DRD3: variants seen among roughly 807,000 people sequenced by gnomAD.
The protein encoded by DRD3 is dopamine receptor D3.
DRD3 carries 19 observed loss-of-function variants against 36.3 expected under a neutral mutation model. That is an observed-to-expected ratio of 0.52 (90% CI 0.36 to 0.77). DRD3 has a LOEUF of 0.77. Among genes scored for constraint, DRD3 ranks in the 30% least tolerant of loss-of-function variants. The pLI is 0.00. For synonymous variants in DRD3, 195 were observed against 203.7 expected (o/e 0.96, Z 0.36); for missense variants, 465 against 505.3 (o/e 0.92, Z 0.77).
intron 5 of DRD3, among the ~76,000 whole-genome samples, chr3:114,136,209 G>C (rs984409532): frequency 6.9e-6 from 1 of 145,386 alleles, no homozygotes; most frequent in Admixed American, 6.7e-5. Context: ...GTGAGACTCT[G>C]TCTCAAAAAC....
At chr3:114,154,324 G>A (rs1172241064) in intron 3 of DRD3, among the ~76,000 whole-genome samples, 1 of 149,442 alleles carries the variant, frequency 6.7e-6, no homozygotes, top group Non-Finnish European at 1.5e-5. Flanking sequence ...CAGGGTGGGA[G>A]ATGTGTGTGT....
In DRD3 at chr3:114,127,611, C is replaced by T. The variant is rs920038681; in HGVS notation, c.*1105G>A. Among the ~76,000 whole-genome samples the T allele has an allele frequency of 6.6e-6, 1 of 152,158 alleles. No homozygotes were observed. The highest frequency in any genetic ancestry group is 2.4e-5 in the African/African-American group (1 of 41,446). On this transcript the variant is annotated 3_prime_UTR_variant, in exon 7 of 7. Coordinates refer to ENST00000383673, the MANE Select transcript of DRD3 (RefSeq NM_000796.6). The stretch of plus-strand genomic sequence containing the variant: ...AACCAGTAACATAGTCATTTATTAT[C>T]AATATTAAGTATTACGTACTGTACA...
chr3:114,182,708 T>G (rs1255619633), upstream of DRD3, among the ~76,000 whole-genome samples: 1 of 152,138 alleles, frequency 6.6e-6, no homozygotes, highest in Non-Finnish European at 1.5e-5. Flanking sequence ...GCCTACCAGG[T>G]TTAAGCGATT....
rs1229440068 is a variant in DRD3 at position 114,149,067 on chromosome 3, G to A, written c.384-1510C>T. 3.9e-5 allele frequency among the ~76,000 whole-genome samples: 6 copies of A among 152,106 alleles called. No homozygotes were observed. In the South Asian group the frequency reaches 1.0e-3, roughly 26 times the overall value. ...AATATTTATTGAGTCCCAACTATACGCCAGGCCTCATTCCAGGTATTCAGA... is the reference window on the plus strand; with the variant it reads ...AATATTTATTGAGTCCCAACTATACACCAGGCCTCATTCCAGGTATTCAGA... On this transcript the variant is annotated intron_variant, in intron 3 of 6. Transcript: ENST00000383673.
At chr3:114,173,161 C>A (rs1028318083) in intron 1 of DRD3, among the ~76,000 whole-genome samples, 5 of 152,074 alleles carry the variant, frequency 3.3e-5, no homozygotes, top group Non-Finnish European at 7.4e-5. Context: ...GAAAAGACAG[C>A]CATCTATGAA....
At chr3:114,172,142 G>C (rs1559998677) in intron 1 of DRD3, 115 bp from the exon 2 acceptor site, 1 of 819,458 alleles carries the variant, frequency 1.2e-6, no homozygotes, top group African/African-American at 1.8e-5. Flanking sequence ...TTTCTATATA[G>C]TAGGCACTGT....
At chr3:114,164,238 A>AAAAAAAAAAAAAAAAAAAAAAAAC in intron 2 of DRD3, among the ~76,000 whole-genome samples, 1 of 150,018 alleles carries the variant, frequency 6.7e-6, no homozygotes, top group Non-Finnish European at 1.5e-5. Context: ...AAAAAAAAAA[A>AAAAAAAAAAAAAAAAAAAAAAAAC]AAAAAAAAAA....
intron 2 of DRD3, among the ~76,000 whole-genome samples, chr3:114,160,346 A>C (rs930349212): frequency 6.6e-6 from 1 of 152,128 alleles, no homozygotes; most frequent in Non-Finnish European, 1.5e-5. Flanking sequence ...TCCCCAGTTC[A>C]AGTGATTCTC....
At chr3:114,142,633 G>C (rs891765684) in intron 4 of DRD3, among the ~76,000 whole-genome samples, 1 of 152,154 alleles carries the variant, frequency 6.6e-6, no homozygotes, top group Non-Finnish European at 1.5e-5. Flanking sequence ...ATGGGAGAAT[G>C]TAGTAATCTG....
intron 1 of DRD3, among the ~76,000 whole-genome samples, chr3:114,186,717 T>C (rs181383893): frequency 1.3e-5 from 2 of 152,308 alleles, no homozygotes; most frequent in East Asian, 3.9e-4. Context: ...AAACTTAATT[T>C]ACCATTCAAG....
intron 3 of DRD3, among the ~76,000 whole-genome samples, chr3:114,157,144 C>T (rs2077689266): frequency 6.6e-6 from 1 of 151,756 alleles, no homozygotes; most frequent in Non-Finnish European, 1.5e-5. Context: ...AACTCCACCT[C>T]CCGGGTTCAA....
At chr3:114,174,225 T>A (rs144435014) in intron 1 of DRD3, among the ~76,000 whole-genome samples, 32 of 152,326 alleles carry the variant, frequency 2.1e-4, no homozygotes, top group Middle Eastern at 3.4e-3. Flanking sequence ...TGCTTTCTGA[T>A]TGTTCAAGGA....
intron 5 of DRD3, among the ~76,000 whole-genome samples, chr3:114,132,097 A>G (rs140622838): frequency 1.7e-3 from 252 of 152,348 alleles, no homozygotes; most frequent in African/African-American, 5.7e-3. Flanking sequence ...CTGTAAAGAC[A>G]CATACACATG....
chr3:114,157,997 G>A (rs2077698034), intron 3 of DRD3, among the ~76,000 whole-genome samples: 1 of 152,142 alleles, frequency 6.6e-6, no homozygotes, highest in Non-Finnish European at 1.5e-5. Flanking sequence ...AGCTATTTGG[G>A]AGGCTGAGGC....
At position 114,167,056 on chromosome 3, in the gene DRD3, C is replaced by T. The variant is rs1160392326; in HGVS notation, c.270+4667G>A. Among the ~76,000 whole-genome samples the T allele has an allele frequency of 2.0e-5, 3 of 152,248 alleles. No individual in the cohort carries two copies. The East Asian group carries it at 5.8e-4, about 29-fold the overall frequency. On this transcript the variant is annotated intron_variant, in intron 2 of 6. Transcript: ENST00000383673. Reference sequence around the variant, plus strand: ...TAATAATCGATATCATTACAAAACTCAAAGATTCTTCCCTTCCCAAAATTT... The same window carrying T: ...TAATAATCGATATCATTACAAAACTTAAAGATTCTTCCCTTCCCAAAATTT...
chr3:114,167,816 CAT>C (rs2077800471), intron 2 of DRD3, among the ~76,000 whole-genome samples: 2 of 152,226 alleles, frequency 1.3e-5, no homozygotes, highest in African/African-American at 4.8e-5. Flanking sequence ...AGCTGGAACT[CAT>C]GTGCCACAAG....
intron 1 of DRD3, among the ~76,000 whole-genome samples, chr3:114,177,175 G>A (rs963516769): frequency 6.6e-6 from 1 of 152,132 alleles, no homozygotes; most frequent in African/African-American, 2.4e-5. Context: ...AAGTAATGCA[G>A]GTGCACACTG....
At chr3:114,137,698 T>C (rs2077485908) in intron 5 of DRD3, among the ~76,000 whole-genome samples, 2 of 151,930 alleles carry the variant, frequency 1.3e-5, no homozygotes, top group African/African-American at 4.8e-5. Flanking sequence ...AATACAAAAA[T>C]TAGCCAGATG....
chr3:114,159,917 CA>C lies in DRD3; in HGVS notation c.271-51del, dbSNP rs759823322. 37 of 1,545,908 alleles carry C rather than the reference CA, an allele frequency of 2.4e-5. No homozygotes were observed. The Admixed American group carries it at 4.7e-4, about 20-fold the overall frequency. ...AGTGTTTACCCCAGTGAAGGAACGA[CA>C]ACCCAGTTGGCCCTATTTTCTTTGC... On this transcript the variant is annotated intron_variant, in intron 2 of 6. Transcript: ENST00000383673.
Sources: allele counts gnomAD v4.1 joint callset (sites outside exome capture counted in the v4.1 genomes callset), GRCh38; gene constraint gnomAD v4.1.1; transcripts MANE v1.5; gene names NCBI Gene and HGNC (gene_info 2026-07-23, HGNC 2026-07-21).